Variants in SLC13A1 observed in about 807,000 individuals in gnomAD.
The protein encoded by SLC13A1 is Na(+)/sulfate cotransporter.
SLC13A1 carries 65 observed loss-of-function variants against 70.0 expected under a neutral mutation model. The ratio of observed to expected loss-of-function variants is 0.93; its 90% confidence interval spans 0.76 to 1.14. SLC13A1 has a LOEUF of 1.14. Ranked by LOEUF, SLC13A1 falls within the 50% of genes most tolerant of loss-of-function variation. The pLI, the probability that SLC13A1 is intolerant of heterozygous loss-of-function variation, is 0.00. For synonymous variants in SLC13A1, 275 were observed against 250.5 expected, an observed-to-expected ratio of 1.10 and a Z score of -0.92; for missense variants, 726 against 717.8, an observed-to-expected ratio of 1.01 and a Z score of -0.13.
intron 6 of SLC13A1, among the ~76,000 whole-genome samples, chr7:123,155,361 A>T (rs981524141): frequency 4.0e-5 from 6 of 151,498 alleles, no homozygotes; most frequent in Admixed American, 2.6e-4. Context: ...TTATATTTAC[A>T]TATTTTGTAT....
At chr7:123,133,930 C>T (rs909694230) in intron 8 of SLC13A1, among the ~76,000 whole-genome samples, 1 of 152,118 alleles carries the variant, frequency 6.6e-6, no homozygotes, top group Non-Finnish European at 1.5e-5. Flanking sequence ...CTCCACCCCG[C>T]AAGCTCAAGC....
chr7:123,156,483 G>A (rs1200334681), intron 6 of SLC13A1, among the ~76,000 whole-genome samples: 2 of 152,092 alleles, frequency 1.3e-5, no homozygotes, highest in South Asian at 2.1e-4. Context: ...ACTAAAAAGG[G>A]AACAGGAGAG....
intron 14 of SLC13A1, 128 bp from the exon 15 acceptor site, chr7:123,115,783 T>A (rs1226924845): frequency 3.2e-6 from 3 of 933,518 alleles, no homozygotes; most frequent in Non-Finnish European, 4.7e-6. Context: ...TGTCATTTTT[T>A]AAATTATACT....
intron 3 of SLC13A1, among the ~76,000 whole-genome samples, chr7:123,170,779 T>G (rs2116557070): frequency 6.6e-6 from 1 of 152,086 alleles, no homozygotes; most frequent in Non-Finnish European, 1.5e-5. Flanking sequence ...CAGGTGCCTG[T>G]CACCATACCC....
chr7:123,123,495 C>A (rs1398137990), intron 11 of SLC13A1, among the ~76,000 whole-genome samples: 1 of 152,056 alleles, frequency 6.6e-6, no homozygotes, highest in Non-Finnish European at 1.5e-5. Flanking sequence ...ATAACATTGT[C>A]ACTTATAATG....
intron 6 of SLC13A1, among the ~76,000 whole-genome samples, chr7:123,160,388 C>G (rs137907760): frequency 6.6e-6 from 1 of 151,600 alleles, no homozygotes; most frequent in Non-Finnish European, 1.5e-5. Context: ...GTTAATCAAT[C>G]ACACACACAG....
chr7:123,122,000 A>G (rs1793397315), intron 12 of SLC13A1, among the ~76,000 whole-genome samples: 1 of 152,110 alleles, frequency 6.6e-6, no homozygotes, highest in Admixed American at 6.6e-5. Context: ...ATAGCAAACT[A>G]GACCTCCCTC....
intron 6 of SLC13A1, 69 bp from the exon 7 acceptor site, chr7:123,147,379 C>T: frequency 6.5e-7 from 1 of 1,534,134 alleles, no homozygotes; most frequent in Non-Finnish European, 8.8e-7. Context: ...ATATTTGTGT[C>T]CCACCACCCG....
At chr7:123,117,347 T>C in intron 14 of SLC13A1, 124 bp downstream of exon 14, 1 of 920,928 alleles carries the variant, frequency 1.1e-6, no homozygotes, top group Non-Finnish European at 1.7e-6. Flanking sequence ...ACTGCATTCA[T>C]AAACAGAATT....
intron 2 of SLC13A1, 48 bp from the exon 3 acceptor site, chr7:123,171,952 TA>T (rs755487410): frequency 6.4e-7 from 1 of 1,568,392 alleles, no homozygotes; most frequent in East Asian, 2.3e-5. Context: ...TGGGGAAAAA[TA>T]ACATTGCACA....
chr7:123,173,491 G>A (rs1165741911), intron 2 of SLC13A1, among the ~76,000 whole-genome samples: 1 of 152,048 alleles, frequency 6.6e-6, no homozygotes, highest in Non-Finnish European at 1.5e-5. Context: ...TAGGAGCAGA[G>A]TATATATTAA....
chr7:123,125,753 CAT>C (rs1793538698), intron 10 of SLC13A1, 78 bp from the exon 11 acceptor site: 5 of 980,196 alleles, frequency 5.1e-6, no homozygotes, highest in Admixed American at 1.9e-5. Flanking sequence ...TTGCTAATAA[CAT>C]ATCAGTAATA....
At chr7:123,122,143 A>G (rs932781334) in intron 12 of SLC13A1, among the ~76,000 whole-genome samples, 1 of 152,122 alleles carries the variant, frequency 6.6e-6, no homozygotes, top group African/African-American at 2.4e-5. Context: ...CTAGGATCCA[A>G]TCCAGACACA....
chr7:123,167,303 C>A (rs933041052), intron 6 of SLC13A1, among the ~76,000 whole-genome samples: 2 of 152,172 alleles, frequency 1.3e-5, no homozygotes, highest in African/African-American at 4.8e-5. Flanking sequence ...GGAATTATTT[C>A]TATCTCTAAA....
chr7:123,171,697 T>C (rs1795277483), intron 3 of SLC13A1, 71 bp downstream of exon 3: 17 of 1,464,204 alleles, frequency 1.2e-5, no homozygotes, highest in Non-Finnish European at 1.6e-5. Flanking sequence ...GAATTACTTA[T>C]TTGATTATTT....
At chr7:123,138,759 A>G (rs886227160) in intron 7 of SLC13A1, among the ~76,000 whole-genome samples, 3 of 152,046 alleles carry the variant, frequency 2.0e-5, no homozygotes, top group East Asian at 1.9e-4. Context: ...TTTTAATTGT[A>G]TTATTAGATT....
At chr7:123,154,400 C>G (rs997652835) in intron 6 of SLC13A1, among the ~76,000 whole-genome samples, 9 of 152,048 alleles carry the variant, frequency 5.9e-5, no homozygotes, top group Non-Finnish European at 1.3e-4. Context: ...CACAGTGGAC[C>G]TGTCACAACA....
At chr7:123,148,341 T>C (rs1585331107) in intron 6 of SLC13A1, 3 of 333,566 alleles carry the variant, frequency 9.0e-6, no homozygotes, top group East Asian at 1.9e-4. Flanking sequence ...GCCTCACAGA[T>C]TTTTTATCTC....
intron 1 of SLC13A1, among the ~76,000 whole-genome samples, chr7:123,189,584 G>A (rs1795932594): frequency 6.6e-6 from 1 of 151,992 alleles, no homozygotes; most frequent in South Asian, 2.1e-4. Flanking sequence ...ATTTTATTCA[G>A]ATTTTCATTC....
Sources: allele counts gnomAD v4.1 joint callset (sites outside exome capture counted in the v4.1 genomes callset), GRCh38; gene constraint gnomAD v4.1.1; transcripts MANE v1.5; gene names NCBI Gene and HGNC (gene_info 2026-07-23, HGNC 2026-07-21).